TBL1XR1: variants seen among roughly 807,000 people sequenced by gnomAD.
TBL1XR1 encodes the protein F-box-like/WD repeat-containing protein TBL1XR1.
Under a neutral mutation model 66.9 loss-of-function variants are expected in TBL1XR1, and 5 were observed. The ratio of observed to expected loss-of-function variants is 0.07; its 90% CI spans 0.04 to 0.16. The LOEUF is 0.16. Among genes scored for constraint, TBL1XR1 ranks in the 10% least tolerant of loss-of-function variants. TBL1XR1 has a pLI of 1.00. For synonymous variants in TBL1XR1, 210 were observed against 206.0 expected (o/e 1.02, Z -0.17); for missense variants, 238 against 623.2 (o/e 0.38, Z 6.58).
intron 1 of TBL1XR1, among the ~76,000 whole-genome samples, chr3:177,100,547 C>G (rs1415560996): frequency 6.6e-6 from 1 of 152,038 alleles, no homozygotes; most frequent in Non-Finnish European, 1.5e-5. Flanking sequence ...GTCTCAGCCT[C>G]CTGAGTAGCT....
At chr3:177,182,855 C>A (rs1734992392) in intron 1 of TBL1XR1, among the ~76,000 whole-genome samples, 1 of 152,078 alleles carries the variant, frequency 6.6e-6, no homozygotes, top group Admixed American at 6.5e-5. Context: ...TATAATTATC[C>A]AAACTTCTTC....
At chr3:177,155,875 G>A (rs888836235) in intron 1 of TBL1XR1, among the ~76,000 whole-genome samples, 1 of 152,010 alleles carries the variant, frequency 6.6e-6, no homozygotes, top group African/African-American at 2.4e-5. Context: ...CAGGCGTGGT[G>A]GCACATGCCT....
intron 14 of TBL1XR1, among the ~76,000 whole-genome samples, chr3:177,028,704 A>C (rs888043962): frequency 2.0e-5 from 3 of 152,296 alleles, no homozygotes; most frequent in Non-Finnish European, 4.4e-5. Context: ...AGGCACTCAT[A>C]AACAAAATCC....
chr3:177,090,321 T>C (rs1722664177), intron 2 of TBL1XR1, among the ~76,000 whole-genome samples: 1 of 152,158 alleles, frequency 6.6e-6, no homozygotes, highest in Non-Finnish European at 1.5e-5. Flanking sequence ...AAATGTTTCC[T>C]ATGATTATAA....
intron 3 of TBL1XR1, among the ~76,000 whole-genome samples, chr3:177,061,311 T>C (rs1356646932): frequency 6.6e-6 from 1 of 152,200 alleles, no homozygotes; most frequent in African/African-American, 2.4e-5. Context: ...TAGTATCTTA[T>C]AGTATTGACA....
chr3:177,162,596 T>A (rs1354586161), intron 1 of TBL1XR1, among the ~76,000 whole-genome samples: 1 of 152,218 alleles, frequency 6.6e-6, no homozygotes, highest in Non-Finnish European at 1.5e-5. Flanking sequence ...GGTTACATGG[T>A]CAGTTTTACA....
chr3:177,122,382 T>C (rs1193852248), intron 1 of TBL1XR1, among the ~76,000 whole-genome samples: 2 of 151,488 alleles, frequency 1.3e-5, no homozygotes, highest in African/African-American at 4.9e-5. Flanking sequence ...AGAGGTGATG[T>C]AATAGAACTA....
intron 1 of TBL1XR1, among the ~76,000 whole-genome samples, chr3:177,187,019 T>C (rs1422495941): frequency 6.6e-6 from 1 of 151,810 alleles, no homozygotes; most frequent in Non-Finnish European, 1.5e-5. Context: ...ACAAAAAAAT[T>C]AGCCGGGCGT....
intron 3 of TBL1XR1, among the ~76,000 whole-genome samples, chr3:177,062,061 A>G (rs759843400): frequency 1.3e-5 from 2 of 152,166 alleles, no homozygotes; most frequent in Non-Finnish European, 2.9e-5. Context: ...CTATTTCTGG[A>G]TGCAATTTCA....
chr3:177,196,027 G>A (rs1183828415), intron 1 of TBL1XR1, among the ~76,000 whole-genome samples: 1 of 151,986 alleles, frequency 6.6e-6, no homozygotes, highest in Non-Finnish European at 1.5e-5. Context: ...AACAAAGAGA[G>A]CATTTTTTAA....
At chr3:177,187,390 CAA>C (rs57592940) in intron 1 of TBL1XR1, among the ~76,000 whole-genome samples, 29 of 68,640 alleles carry the variant, frequency 4.2e-4, no homozygotes, top group Admixed American at 6.6e-4. Flanking sequence ...GACTCTATCT[CAA>C]AAAAAAAAAA....
intron 1 of TBL1XR1, among the ~76,000 whole-genome samples, chr3:177,123,618 G>C (rs1271584415): frequency 1.3e-5 from 2 of 151,968 alleles, no homozygotes; most frequent in African/African-American, 4.8e-5. Context: ...AAGTTTCAGA[G>C]CATTATAGCT....
At chr3:177,173,558 C>T (rs1481713263) in intron 1 of TBL1XR1, among the ~76,000 whole-genome samples, 2 of 152,088 alleles carry the variant, frequency 1.3e-5, no homozygotes, top group African/African-American at 4.8e-5. Context: ...CAGTACTCTT[C>T]AAAATTGTCC....
intron 1 of TBL1XR1, among the ~76,000 whole-genome samples, chr3:177,187,555 C>T (rs906349032): frequency 6.6e-6 from 1 of 152,052 alleles, no homozygotes; most frequent in Non-Finnish European, 1.5e-5. Context: ...GTAACCATGG[C>T]TTTACAAAGA....
intron 10 of TBL1XR1, among the ~76,000 whole-genome samples, chr3:177,045,592 G>C (rs759316496): frequency 6.6e-6 from 1 of 151,950 alleles, no homozygotes; most frequent in Non-Finnish European, 1.5e-5. Context: ...AACAACATTG[G>C]GAAAGTCTAT....
chr3:177,172,633 A>AAGAAAGAGAG (rs1553864025), intron 1 of TBL1XR1, among the ~76,000 whole-genome samples: 6 of 117,550 alleles, frequency 5.1e-5, no homozygotes, highest in Non-Finnish European at 5.1e-5. Flanking sequence ...AGAAAGAGAG[A>AAGAAAGAGAG]AGAGAGAGAG....
intron 9 of TBL1XR1, among the ~76,000 whole-genome samples, chr3:177,046,526 G>A (rs555193190): frequency 6.6e-6 from 1 of 152,154 alleles, no homozygotes; most frequent in Non-Finnish European, 1.5e-5. Context: ...TAGTAAGAGA[G>A]AAGTTCTTGG....
intron 1 of TBL1XR1, among the ~76,000 whole-genome samples, chr3:177,109,426 T>C (rs1355700699): frequency 6.6e-6 from 1 of 152,320 alleles, no homozygotes; most frequent in East Asian, 1.9e-4. Flanking sequence ...AAGGTTGTTT[T>C]GTTTTTGTAT....
chr3:177,035,514 C>A (rs1158814038), intron 12 of TBL1XR1, among the ~76,000 whole-genome samples: 1 of 151,172 alleles, frequency 6.6e-6, no homozygotes, highest in African/African-American at 2.4e-5. Flanking sequence ...CCCGGGTTCA[C>A]GCAATTCTCC....
Sources: allele counts gnomAD v4.1 joint callset (sites outside exome capture counted in the v4.1 genomes callset), GRCh38; gene constraint gnomAD v4.1.1; transcripts MANE v1.5; gene names NCBI Gene and HGNC (gene_info 2026-07-23, HGNC 2026-07-21).